Variants in GUCY1A2 observed in about 807,000 individuals in gnomAD.
GUCY1A2 encodes guanylate cyclase 1 soluble subunit alpha 2.
GUCY1A2 carries 27 observed loss-of-function variants against 63.5 expected under a neutral mutation model. The observed-to-expected ratio is 0.43, with a 90% CI of 0.31 to 0.59. The LOEUF (loss-of-function observed/expected upper bound fraction) is 0.59, where lower values mean the gene tolerates loss of function less well. GUCY1A2 is among the 20% of genes least tolerant of loss of function. The probability of loss-of-function intolerance (pLI) is 0.11; values close to 1 mark genes in which losing one functional copy is unlikely to be tolerated. For missense variants in GUCY1A2, 768 were observed against 913.3 expected, an observed-to-expected ratio of 0.84 and a Z score of 2.05; for synonymous variants, 364 against 343.5, an observed-to-expected ratio of 1.06 and a Z score of -0.66.
At chr11:106,757,001 G>A (rs112032646) in intron 6 of GUCY1A2, among the ~76,000 whole-genome samples, 1 of 151,966 alleles carries the variant, frequency 6.6e-6, no homozygotes, top group Non-Finnish European at 1.5e-5. Context: ...ACGTAGATTT[G>A]GTCTTTTCTC....
intron 4 of GUCY1A2, among the ~76,000 whole-genome samples, chr11:106,878,256 C>T (rs566124895): frequency 1.3e-5 from 2 of 152,060 alleles, no homozygotes; most frequent in South Asian, 2.1e-4. Context: ...AATAACCATT[C>T]GACCTAGCCA....
At chr11:106,828,409 T>G (rs1859006320) in intron 4 of GUCY1A2, among the ~76,000 whole-genome samples, 1 of 152,188 alleles carries the variant, frequency 6.6e-6, no homozygotes, top group South Asian at 2.1e-4. Flanking sequence ...TGTATTCTTA[T>G]GTGTATGGCT....
At chr11:106,804,650 A>G (rs998403394) in intron 5 of GUCY1A2, among the ~76,000 whole-genome samples, 17 of 152,178 alleles carry the variant, frequency 1.1e-4, no homozygotes, top group African/African-American at 4.1e-4. Context: ...TGGCAAGACA[A>G]ATCAAAATTC....
intron 1 of GUCY1A2, among the ~76,000 whole-genome samples, chr11:107,017,193 C>A (rs1861835387): frequency 6.6e-6 from 1 of 152,072 alleles, no homozygotes; most frequent in African/African-American, 2.4e-5. Flanking sequence ...AAGTATCTGG[C>A]AAAAAGTATC....
intron 2 of GUCY1A2, among the ~76,000 whole-genome samples, chr11:106,981,638 C>G (rs1379532656): frequency 3.3e-5 from 5 of 151,962 alleles, no homozygotes; most frequent in South Asian, 4.2e-4. Context: ...TCTACCCTGC[C>G]ATGGCAATCC....
chr11:106,755,350 A>G (rs1863954710), intron 6 of GUCY1A2, among the ~76,000 whole-genome samples: 1 of 151,820 alleles, frequency 6.6e-6, no homozygotes, highest in Non-Finnish European at 1.5e-5. Context: ...TACCTCCTTC[A>G]ATTCTGCTCT....
At chr11:106,897,134 T>A (rs1407251567) in intron 4 of GUCY1A2, among the ~76,000 whole-genome samples, 4 of 151,992 alleles carry the variant, frequency 2.6e-5, no homozygotes, top group Non-Finnish European at 5.9e-5. Flanking sequence ...CTTATAGACC[T>A]AAAAAATATG....
intron 6 of GUCY1A2, among the ~76,000 whole-genome samples, chr11:106,766,650 AAGCT>A (rs1345415684): frequency 1.3e-5 from 2 of 152,108 alleles, no homozygotes; most frequent in African/African-American, 4.8e-5. Flanking sequence ...AAAAACGTAA[AAGCT>A]AACTAACTAA....
chr11:106,938,520 G>T lies in GUCY1A2; in HGVS notation c.1206+940C>A, dbSNP rs80153827. Among the ~76,000 whole-genome samples the T allele has an allele frequency of 2.6e-4, 40 of 152,100 alleles. No homozygotes were observed. The East Asian group carries it at 7.7e-3, about 29-fold the overall frequency. On this transcript the variant is annotated intron_variant, in intron 4 of 7. Transcript: ENST00000526355. Reference sequence around the variant, plus strand: ...CAAATGCTTGGAAACAGGCTAAATAGCCTAAAAGAACTTTATTTACCCTAG... The same window carrying T: ...CAAATGCTTGGAAACAGGCTAAATATCCTAAAAGAACTTTATTTACCCTAG...
intron 4 of GUCY1A2, among the ~76,000 whole-genome samples, chr11:106,870,895 T>C (rs1859667978): frequency 6.6e-6 from 1 of 152,140 alleles, no homozygotes; most frequent in Non-Finnish European, 1.5e-5. Context: ...ACTTCCCAGG[T>C]TTCTTCCCCC....
In GUCY1A2 at chr11:106,986,166, C is replaced by T. The variant is rs756860187; in HGVS notation, c.304-35G>A. The T allele has an allele frequency of 2.9e-6, 3 of 1,025,980 alleles. No individual in the cohort carries two copies. The East Asian group carries it at 7.3e-5, about 25-fold the overall frequency. 63.6% of individuals were successfully genotyped at this position (1,025,980 alleles called of 1,614,324 possible). Reference sequence around the variant, plus strand: ...AATAATAATAATAAAAACATATTATCAGCAAATCAGTACCATTCCCACTGT... The same window carrying T: ...AATAATAATAATAAAAACATATTATTAGCAAATCAGTACCATTCCCACTGT... On this transcript the variant is annotated intron_variant, in intron 1 of 7. Coordinates refer to ENST00000526355, the MANE Select transcript of GUCY1A2 (RefSeq NM_000855.3).
chr11:106,781,041 A>G (rs533080820), intron 5 of GUCY1A2, among the ~76,000 whole-genome samples: 10 of 149,068 alleles, frequency 6.7e-5, no homozygotes, highest in Admixed American at 2.0e-4. Flanking sequence ...TCATGTATCA[A>G]TTCCATTGCT....
At position 106,698,298 on chromosome 11, in the gene GUCY1A2, A is replaced by G. The variant is rs139926591; in HGVS notation, c.1991+10214T>C. ...CATGTCTGGGGATTTTTTTTTTTTA[A>G]TTTTAGTAGAGACAAGGTCTCACTG... On this transcript the variant is annotated intron_variant, in intron 7 of 7. Transcript: ENST00000526355. Among the ~76,000 whole-genome samples, 1,259 of 148,168 alleles carry G rather than the reference A, an allele frequency of 8.5e-3. 19 individuals carry two copies. The highest frequency in any genetic ancestry group is 0.03 in the African/African-American group (1,215 of 39,852).
rs1038291999 is a variant in GUCY1A2, at chr11:106,687,441, T to C, written c.*108A>G. 7.8e-5 allele frequency: 65 copies of C among 830,392 alleles called. No individual in the cohort carries two copies. The highest frequency in any genetic ancestry group is 1.2e-4 in the Non-Finnish European group (58 of 501,436). The allele number at this position is 830,392 out of a possible 1,614,324, so 51.4% of individuals were successfully genotyped here. ...TGACATAATACAGAAATTTTGCTGC[T>C]TGTTCTCAACAAAGCAATGAAAGAG... On this transcript the variant is annotated 3_prime_UTR_variant, in exon 8 of 8. Transcript: ENST00000526355.
At chr11:106,993,985 T>C (rs1289413731) in intron 1 of GUCY1A2, among the ~76,000 whole-genome samples, 2 of 152,298 alleles carry the variant, frequency 1.3e-5, no homozygotes, top group East Asian at 3.9e-4. Context: ...AAGCTAGAGA[T>C]GCACTAAAAT....
Position 106,915,187 on chromosome 11 carries a change from G to C in GUCY1A2, c.1206+24273C>G, listed in dbSNP as rs78139100. Among the ~76,000 whole-genome samples the C allele has an allele frequency of 5.8e-3, 887 of 152,048 alleles. 4 individuals carry two copies. The highest frequency in any genetic ancestry group is 0.021 in the African/African-American group (855 of 41,502). ...GAAAGAGAGTTGGAGAAAGAATGAAGGTAAAATAAAATATTGTATTTTCCT... is the reference window on the plus strand; with the variant it reads ...GAAAGAGAGTTGGAGAAAGAATGAACGTAAAATAAAATATTGTATTTTCCT... On this transcript the variant is annotated intron_variant, in intron 4 of 7. Transcript: ENST00000526355.
rs1203649255 is a variant in GUCY1A2, at chr11:106,810,385, T to C, written c.1300A>G (p.Met434Val). The change falls in exon 5 of 8, where the codon ATG becomes GTG. Residue 434 changes from methionine to valine, a missense_variant. Met to Val is a conservative substitution (Grantham distance 21). Transcript: ENST00000526355. ...TCTGAGAGATGTAGCCCTCGGCCCA[T>C]GAGTTCATCCAACTTGTCCACACAT... ...SPCVDKLDEL[M>V]GRGLHLSDIP... 8 of 1,613,676 alleles carry C rather than the reference T, an allele frequency of 5.0e-6. No individual in the cohort carries two copies. The highest frequency in any genetic ancestry group is 1.3e-5 in the African/African-American group (1 of 74,910).
intron 4 of GUCY1A2, among the ~76,000 whole-genome samples, chr11:106,840,441 G>A (rs1445999078): frequency 6.6e-6 from 1 of 151,832 alleles, no homozygotes; most frequent in Non-Finnish European, 1.5e-5. Flanking sequence ...TTTTTGCTTG[G>A]CTAGAATTCA....
At chr11:106,858,282 TA>T (rs1397055903) in intron 4 of GUCY1A2, among the ~76,000 whole-genome samples, 3 of 152,292 alleles carry the variant, frequency 2.0e-5, no homozygotes, top group African/African-American at 4.8e-5. Context: ...ATGAGTTATA[TA>T]AAGAAATGAA....
Sources: gnomAD v4.1 joint callset for allele counts (sites outside exome capture counted in the v4.1 genomes callset) on GRCh38, gnomAD v4.1.1 for gene constraint, MANE v1.5 for transcripts, NCBI Gene and HGNC (gene_info 2026-07-23, HGNC 2026-07-21) for gene names.